Variants in NCALD observed in about 807,000 individuals in gnomAD.
NCALD encodes neurocalcin delta.
NCALD carries 10 observed loss-of-function variants against 18.6 expected under a neutral mutation model. That is an observed-to-expected ratio of 0.54 (90% confidence interval 0.33 to 0.91). The LOEUF (loss-of-function observed/expected upper bound fraction) is 0.91. Ranked by LOEUF, NCALD falls within the 40% of genes least tolerant of loss-of-function variation. NCALD has a pLI of 0.03. For missense variants in NCALD, 184 were observed against 247.6 expected (o/e 0.74, Z 1.72); for synonymous variants, 88 against 87.4 (o/e 1.01, Z -0.04).
intron 4 of NCALD, among the ~76,000 whole-genome samples, chr8:101,810,636 T>C (rs545814189): frequency 6.6e-6 from 1 of 152,202 alleles, no homozygotes. Flanking sequence ...ATATTTAGCC[T>C]ATTAAATTCA....
intron 4 of NCALD, among the ~76,000 whole-genome samples, chr8:101,834,509 A>T (rs1409484562): frequency 6.6e-6 from 1 of 152,192 alleles, no homozygotes; most frequent in Non-Finnish European, 1.5e-5. Context: ...TCCTCATCCC[A>T]ATCAGAAGCC....
chr8:102,106,466 T>TAC (rs398009101), intron 1 of NCALD, among the ~76,000 whole-genome samples: 38,140 of 138,754 alleles, frequency 0.27, 5,602 homozygotes, highest in East Asian at 0.36. Flanking sequence ...TATATATATA[T>TAC]ACACACACAC....
At chr8:102,026,890 T>G (rs1218603542) in intron 1 of NCALD, among the ~76,000 whole-genome samples, 1 of 152,208 alleles carries the variant, frequency 6.6e-6, no homozygotes, top group Admixed American at 6.5e-5. Flanking sequence ...AATTCTTGAC[T>G]TCTGTGCACC....
intron 2 of NCALD, among the ~76,000 whole-genome samples, chr8:101,718,289 C>G (rs1477953398): frequency 6.6e-6 from 1 of 151,978 alleles, no homozygotes; most frequent in Non-Finnish European, 1.5e-5. Context: ...GGACATTGCC[C>G]CAAAGCACCT....
intron 3 of NCALD, among the ~76,000 whole-genome samples, chr8:101,889,700 T>C (rs1193883957): frequency 6.6e-6 from 1 of 152,216 alleles, no homozygotes. Context: ...AAAATTTATT[T>C]CGAGGCTACC....
chr8:101,956,392 A>G (rs1299842940), intron 2 of NCALD, among the ~76,000 whole-genome samples: 1 of 152,212 alleles, frequency 6.6e-6, no homozygotes, highest in Admixed American at 6.5e-5. Context: ...GCCGGCAGAA[A>G]GAGACACCTA....
At chr8:101,804,087 C>A (rs1812969334) in intron 4 of NCALD, among the ~76,000 whole-genome samples, 1 of 151,880 alleles carries the variant, frequency 6.6e-6, no homozygotes, top group Non-Finnish European at 1.5e-5. Flanking sequence ...ACTCCACCAG[C>A]AAAAAGATTA....
intron 2 of NCALD, among the ~76,000 whole-genome samples, chr8:101,964,893 G>T (rs183715908): frequency 2.3e-4 from 35 of 152,228 alleles, no homozygotes; most frequent in Admixed American, 2.2e-3. Context: ...ACTCCAAAAG[G>T]CTTCTTAAGG....
chr8:102,010,598 C>A (rs1326539117), intron 2 of NCALD, among the ~76,000 whole-genome samples: 4 of 152,152 alleles, frequency 2.6e-5, no homozygotes. Context: ...TTAAGCTGTT[C>A]ATTTGGGCCT....
At chr8:101,898,674 G>C (rs1817302122) in intron 3 of NCALD, among the ~76,000 whole-genome samples, 2 of 151,942 alleles carry the variant, frequency 1.3e-5, no homozygotes, top group African/African-American at 4.8e-5. Flanking sequence ...GATCTATTTT[G>C]AGTTGCTTTT....
At chr8:102,088,949 C>T (rs1824833368) in intron 1 of NCALD, among the ~76,000 whole-genome samples, 1 of 152,140 alleles carries the variant, frequency 6.6e-6, no homozygotes, top group Non-Finnish European at 1.5e-5. Flanking sequence ...GGCTGATTCC[C>T]TCTTTTTAGG....
At chr8:101,977,224 T>G (rs1820456273) in intron 2 of NCALD, among the ~76,000 whole-genome samples, 1 of 151,844 alleles carries the variant, frequency 6.6e-6, no homozygotes, top group Admixed American at 6.5e-5. Context: ...ACCCAGAATT[T>G]TTTTTTACAG....
intron 2 of NCALD, among the ~76,000 whole-genome samples, chr8:101,961,527 T>C (rs1018027697): frequency 6.6e-6 from 1 of 152,184 alleles, no homozygotes; most frequent in Non-Finnish European, 1.5e-5. Context: ...TACTGTTGCC[T>C]AAGCAGCATC....
At chr8:101,740,750 G>A (rs1586364729) in intron 1 of NCALD, among the ~76,000 whole-genome samples, 1 of 152,136 alleles carries the variant, frequency 6.6e-6, no homozygotes, top group Non-Finnish European at 1.5e-5. Context: ...ATCTCTATAA[G>A]ACAGGTTCTG....
At chr8:101,731,112 G>C (rs1215843059) in intron 1 of NCALD, among the ~76,000 whole-genome samples, 3 of 152,132 alleles carry the variant, frequency 2.0e-5, no homozygotes, top group Non-Finnish European at 4.4e-5. Context: ...AGGTAAGTGT[G>C]AGAAGACTCT....
In NCALD at chr8:101,871,772, TAAAG is replaced by T. The variant is rs375797992; in HGVS notation, c.-20+15365_-20+15368del. The T allele has an allele frequency of 9.1e-4, 246 of 270,738 alleles. 4 individuals are homozygous for T. In the South Asian group the frequency reaches 0.024, roughly 27 times the overall value. 16.8% of individuals were successfully genotyped at this position (270,738 alleles called of 1,614,324 possible). A position where few individuals can be genotyped will look rare whatever the true frequency, so the allele number is the denominator to read the frequency against. ...GATTCATTCTTGCTTTTCCTTTTCT[TAAAG>T]AAATCCAGACAATTTGTCACAAGAA... On this transcript the variant is annotated intron_variant, in intron 4 of 6. Coordinates refer to the NCALD transcript ENST00000311028.
At chr8:101,826,513 C>A (rs1813944721) in intron 4 of NCALD, among the ~76,000 whole-genome samples, 1 of 152,188 alleles carries the variant, frequency 6.6e-6, no homozygotes, top group Admixed American at 6.5e-5. Context: ...AGTGTAAACT[C>A]ATCTGCTACA....
chr8:101,837,492 T>C (rs1554643206), intron 4 of NCALD, among the ~76,000 whole-genome samples: 1 of 152,196 alleles, frequency 6.6e-6, no homozygotes, highest in Non-Finnish European at 1.5e-5. Context: ...AAGCTCCAAG[T>C]AGAAACTTCT....
intron 2 of NCALD, among the ~76,000 whole-genome samples, chr8:102,005,110 A>G (rs901677007): frequency 7.2e-5 from 11 of 152,226 alleles, no homozygotes; most frequent in Non-Finnish European, 1.2e-4. Flanking sequence ...AAAATGGGAG[A>G]AAATTTTTGC....
Sources: gnomAD v4.1 joint callset for allele counts (sites outside exome capture counted in the v4.1 genomes callset) on GRCh38, gnomAD v4.1.1 for gene constraint, MANE v1.5 for transcripts, NCBI Gene and HGNC (gene_info 2026-07-23, HGNC 2026-07-21) for gene names.